The following NUP42 variants were observed in gnomAD, a reference collection of about 807,000 sequenced individuals.
NUP42 encodes the protein nucleoporin NUP42.
Under a neutral mutation model 35.9 loss-of-function variants are expected in NUP42, and 47 were observed. The observed-to-expected ratio is 1.31, with a 90% CI of 1.04 to 1.67. NUP42 has a LOEUF of 1.67. Among genes scored for constraint, NUP42 ranks in the 40% most tolerant of loss-of-function variants. The pLI, the probability that NUP42 is intolerant of heterozygous loss-of-function variation, is 0.00. For missense variants in NUP42, 514 were observed against 492.2 expected, an observed-to-expected ratio of 1.04 and a Z score of -0.42; for synonymous variants, 173 against 173.3, an observed-to-expected ratio of 1.00 and a Z score of 0.01.
rs186753174 is a variant in NUP42 at position 23,193,729 on chromosome 7, C to T, written c.446-2110C>T. 4.0e-4 allele frequency among the ~76,000 whole-genome samples: 61 copies of T among 152,378 alleles called. No individual in the cohort carries two copies. The East Asian group carries it at 0.011, about 28-fold the overall frequency. ...ACCCGCCAGTCCCGCGGTGTGTGCC[C>T]ACACTCCTCAGCCCTTGGGTGGTCG... On this transcript the variant is annotated intron_variant, in intron 3 of 6. Transcript: ENST00000258742.
At chr7:23,199,099 T>G (rs915246825) in intron 5 of NUP42, among the ~76,000 whole-genome samples, 3 of 152,246 alleles carry the variant, frequency 2.0e-5, no homozygotes, top group Non-Finnish European at 4.4e-5. Flanking sequence ...TAACTTTGCC[T>G]TTTTTAATGC....
chr7:23,191,534 A>G (rs1785792050), intron 3 of NUP42, among the ~76,000 whole-genome samples: 1 of 152,206 alleles, frequency 6.6e-6, no homozygotes, highest in Non-Finnish European at 1.5e-5. Flanking sequence ...GATGGGGAAG[A>G]CAAGTCATTA....
At chr7:23,193,948 G>A (rs999673428) in intron 3 of NUP42, among the ~76,000 whole-genome samples, 3 of 152,264 alleles carry the variant, frequency 2.0e-5, no homozygotes, top group African/African-American at 7.2e-5. Context: ...TGAGGACCCA[G>A]CACACCCTCC....
At chr7:23,184,463 A>C (rs925935829) in intron 1 of NUP42, among the ~76,000 whole-genome samples, 2 of 152,164 alleles carry the variant, frequency 1.3e-5, no homozygotes, top group East Asian at 1.9e-4. Context: ...ACTATCAAGC[A>C]GTTGTTCATT....
At chr7:23,194,690 G>T in intron 3 of NUP42, 1 of 173,682 alleles carries the variant, frequency 5.8e-6, no homozygotes, top group Non-Finnish European at 1.2e-5. Context: ...TTTTGCTTTT[G>T]TTTTTGTTTT....
rs150746858 is a variant in NUP42, at chr7:23,188,616, T to C, written c.445+1470T>C. ...TCAGATAAACAGTGTTTTTAGTATGTGTACATGCCATGTAATATTTGGGGC... is the reference window on the plus strand; with the variant it reads ...TCAGATAAACAGTGTTTTTAGTATGCGTACATGCCATGTAATATTTGGGGC... On this transcript the variant is annotated intron_variant, in intron 3 of 6. Transcript: ENST00000258742. 1.7e-5 allele frequency: 13 copies of C among 783,238 alleles called. No individual in the cohort carries two copies. In the East Asian group the frequency reaches 8.9e-4, roughly 54 times the overall value. The allele number at this position is 783,238 out of a possible 1,614,324, so 48.5% of individuals were successfully genotyped here.
rs1462642024 is a variant in NUP42, at chr7:23,200,802, T to C, written c.*57T>C. The C allele has an allele frequency of 2.5e-5, 28 of 1,113,024 alleles. No individual in the cohort carries two copies. The highest frequency in any genetic ancestry group is 3.3e-5 in the Non-Finnish European group (26 of 783,312). 68.9% of individuals were successfully genotyped at this position (1,113,024 alleles called of 1,614,324 possible). A position where few individuals can be genotyped will look rare whatever the true frequency, so the allele number is the denominator to read the frequency against. On this transcript the variant is annotated 3_prime_UTR_variant, in exon 7 of 7. Coordinates refer to ENST00000258742, the MANE Select transcript of NUP42 (RefSeq NM_007342.3). Reference sequence around the variant, plus strand: ...GTTTAAAATTGCTTTGAGTGATTCATACAGAGATGTATATATGCATACATG... The same window carrying C: ...GTTTAAAATTGCTTTGAGTGATTCACACAGAGATGTATATATGCATACATG...
At position 23,200,190 on chromosome 7, in the gene NUP42, C is replaced by G. The variant is rs1786163195; in HGVS notation, c.717C>G (p.Ser239Arg). 1 of 1,592,530 alleles carries G rather than the reference C, an allele frequency of 6.3e-7. No homozygotes were observed. Among genetic ancestry groups the G allele is most frequent in the African/African-American group, 1.3e-5 (1 of 74,360 alleles). Reference sequence around the variant, plus strand: ...TAGGCTTTCCAGTCAATAACAGCAGCAGTGATAATGCTCAGAACTTTAGTT... The same window carrying G: ...TAGGCTTTCCAGTCAATAACAGCAGGAGTGATAATGCTCAGAACTTTAGTT... ...MSPGFPVNNS[S>R]SDNAQNFSFK... Residue 239 changes from serine to arginine, a missense_variant, in exon 7 of 7, where the codon AGC (serine) becomes AGG (arginine). Ser to Arg is a moderately radical substitution (Grantham distance 110). Transcript: ENST00000258742.
chr7:23,187,766 C>G (rs1249790673), intron 3 of NUP42, among the ~76,000 whole-genome samples: 1 of 151,674 alleles, frequency 6.6e-6, no homozygotes, highest in Non-Finnish European at 1.5e-5. Context: ...GCTACCACAC[C>G]TGGCTAATTT....
chr7:23,187,769 G>T (rs1041562257), intron 3 of NUP42, among the ~76,000 whole-genome samples: 3 of 151,426 alleles, frequency 2.0e-5, no homozygotes, highest in African/African-American at 7.3e-5. Context: ...ACCACACCTG[G>T]CTAATTTTTG....
At chr7:23,188,357 A>G (rs1056562376) in intron 3 of NUP42, 3 of 1,015,122 alleles carry the variant, frequency 3.0e-6, no homozygotes, top group East Asian at 9.8e-5. Flanking sequence ...TACATTCTTG[A>G]GGGAGGAAAA....
Position 23,198,504 on chromosome 7 carries a change from G to T in NUP42, c.610-954G>T, listed in dbSNP as rs188002551. The T allele has an allele frequency of 2.0e-5, 3 of 151,990 alleles. No homozygotes were observed. The East Asian group carries it at 5.8e-4, about 29-fold the overall frequency. 9.4% of individuals were successfully genotyped at this position (151,990 alleles called of 1,614,324 possible). ...GATTACAGGCGTGAGCCACCACACCGGCCAAAGAATGCTTTTGAGGCTTCC... is the reference window on the plus strand; with the variant it reads ...GATTACAGGCGTGAGCCACCACACCTGCCAAAGAATGCTTTTGAGGCTTCC... On this transcript the variant is annotated intron_variant, in intron 5 of 6. Coordinates refer to ENST00000258742, the MANE Select transcript of NUP42 (RefSeq NM_007342.3).
Position 23,200,322 on chromosome 7 carries a change from T to C in NUP42, c.849T>C (p.Thr283=). 6.2e-7 allele frequency: 1 copy of C among 1,606,908 alleles called. No individual in the cohort carries two copies. The highest frequency in any genetic ancestry group is 8.5e-7 in the Non-Finnish European group (1 of 1,175,692). Reference sequence around the variant, plus strand: ...CCTCTACCAGTTCAGGTATCTCTACTTCTGCTCCAGCTTTTGGATTTGGGA... The same window carrying C: ...CCTCTACCAGTTCAGGTATCTCTACCTCTGCTCCAGCTTTTGGATTTGGGA... ...AAASTSSGIS[T]SAPAFGFGKP... Residue 283 remains threonine, a synonymous_variant, in exon 7 of 7, where the codon ACT becomes ACC. Transcript: ENST00000258742.
At position 23,185,194 on chromosome 7, in the gene NUP42, T is replaced by G. The variant is rs1412800101; in HGVS notation, c.246T>G (p.Ser82=). The G allele has an allele frequency of 1.2e-6, 2 of 1,614,200 alleles. No individual in the cohort carries two copies. The highest frequency in any genetic ancestry group is 8.5e-7 in the Non-Finnish European group (1 of 1,180,032). ...ATCAAGAAAAGCCATATTTCAGTTC[T>G]TTTGATTCTGGAGCTTCAACTAACA... ...SRDQEKPYFS[S]FDSGASTNRK... The change falls in exon 2 of 7, where the codon TCT becomes TCG. Residue 82 remains serine (S), a synonymous_variant. Coordinates refer to ENST00000258742, the MANE Select transcript of NUP42 (RefSeq NM_007342.3).
At position 23,182,344 on chromosome 7, in the gene NUP42, CACA is replaced by C. The variant is rs1212584982; in HGVS notation, c.121+141_121+143del. The C allele has an allele frequency of 2.6e-5, 37 of 1,449,008 alleles. 1 individual carries two copies. In the African/African-American group the frequency reaches 4.4e-4, roughly 17 times the overall value. The allele number at this position is 1,449,008 out of a possible 1,614,324, so 89.8% of individuals were successfully genotyped here. A position where few individuals can be genotyped will look rare whatever the true frequency, so the allele number is the denominator to read the frequency against. On this transcript the variant is annotated intron_variant, in intron 1 of 6. Transcript: ENST00000258742. ...GCCTTGCCGGCCCTACTGGGCCCTG[CACA>C]ACGTTTTTAAACCGAGGGTTTTATC...
intron 1 of NUP42, chr7:23,182,622 GGGCGGT>G (rs1178577855): frequency 3.4e-6 from 2 of 596,934 alleles, no homozygotes; most frequent in Non-Finnish European, 4.3e-6. Flanking sequence ...AAAACCGGCC[GGGCGGT>G]GGCTCACGCC....
At chr7:23,200,130 A>G in intron 6 of NUP42, 38 bp from the exon 7 acceptor site, 1 of 1,363,316 alleles carries the variant, frequency 7.3e-7, no homozygotes, top group Non-Finnish European at 9.9e-7. Flanking sequence ...ACCGTAATAG[A>G]TTTTTGTTGT....
chr7:23,194,469 T>G (rs1785936667), intron 3 of NUP42: 1 of 151,692 alleles, frequency 6.6e-6, no homozygotes, highest in South Asian at 2.1e-4. Context: ...CAAGCGATTC[T>G]CCAGTCTCAG....
chr7:23,197,734 G>A (rs1205007151), intron 5 of NUP42, among the ~76,000 whole-genome samples: 1 of 152,050 alleles, frequency 6.6e-6, no homozygotes, highest in Non-Finnish European at 1.5e-5. Context: ...CATGTATCAG[G>A]AGTTCATGCC....
Sources: gnomAD v4.1 joint callset for allele counts (sites outside exome capture counted in the v4.1 genomes callset) on GRCh38, gnomAD v4.1.1 for gene constraint, MANE v1.5 for transcripts, NCBI Gene and HGNC (gene_info 2026-07-23, HGNC 2026-07-21) for gene names.